Variants in MED12L observed in about 807,000 individuals in gnomAD.
The protein encoded by MED12L is mediator complex subunit 12L.
Under a neutral mutation model 281.3 loss-of-function variants are expected in MED12L, and 60 were observed. The observed-to-expected ratio is 0.21, with a 90% confidence interval of 0.17 to 0.26. MED12L has a LOEUF of 0.26. Ranked by LOEUF, MED12L falls within the 10% of genes least tolerant of loss-of-function variation. The probability of loss-of-function intolerance (pLI) is 1.00; values close to 1 mark genes in which losing one functional copy is unlikely to be tolerated. For synonymous variants in MED12L, 974 were observed against 987.2 expected (o/e 0.99, Z 0.25); for missense variants, 2,146 against 2,680.9 (o/e 0.80, Z 4.41).
At chr3:151,094,721 T>C (rs1720492040) in intron 2 of MED12L, among the ~76,000 whole-genome samples, 1 of 152,252 alleles carries the variant, frequency 6.6e-6, no homozygotes, top group Non-Finnish European at 1.5e-5. Context: ...CAACCAGTTA[T>C]CTCTGGGGGA....
Position 151,125,891 on chromosome 3 carries a change from A to G in MED12L, c.397-1934A>G, listed in dbSNP as rs78879923. ...AGAGGAAGCCTTCTAGCGTTGGCCT[A>G]TATGACTTTTATCTCCTGTTTAGTT... is the stretch of plus-strand genomic sequence containing the variant. On this transcript the variant is annotated intron_variant, in intron 4 of 44. Coordinates refer to ENST00000687756, the MANE Select transcript of MED12L (RefSeq NM_001393769.1). Among the ~76,000 whole-genome samples, 1,364 of 152,232 alleles carry G rather than the reference A, an allele frequency of 9.0e-3. 22 individuals are homozygous for G. The highest frequency in any genetic ancestry group is 0.031 in the African/African-American group (1,278 of 41,552).
Position 151,148,550 on chromosome 3 carries a change from A to G in MED12L, c.557-7611A>G, listed in dbSNP as rs535555065. On this transcript the variant is annotated intron_variant, in intron 5 of 44. Transcript: ENST00000687756. ...AGGCTGTTCACACTCAGAAGGGGGTATTATTGTAGTCATATAGCCTAAAGA... is the reference window on the plus strand; with the variant it reads ...AGGCTGTTCACACTCAGAAGGGGGTGTTATTGTAGTCATATAGCCTAAAGA... 5.1e-4 allele frequency among the ~76,000 whole-genome samples: 77 copies of G among 152,320 alleles called. 1 individual carries two copies. Among genetic ancestry groups the G allele is most frequent in the African/African-American group, 1.8e-3 (73 of 41,558 alleles).
intron 39 of MED12L, among the ~76,000 whole-genome samples, chr3:151,399,403 C>G (rs1462311758): frequency 6.6e-6 from 1 of 152,180 alleles, no homozygotes; most frequent in Admixed American, 6.5e-5. Flanking sequence ...AAATGGTTTA[C>G]TTGTATAATT....
At position 151,244,113 on chromosome 3, in the gene MED12L, A is replaced by G. The variant is rs916009505; in HGVS notation, c.2250+50447A>G. Among the ~76,000 whole-genome samples the G allele has an allele frequency of 6.6e-5, 8 of 120,384 alleles. 1 individual carries two copies. The highest frequency in any genetic ancestry group is 1.3e-4 in the Non-Finnish European group (7 of 52,812). The allele number at this position is 120,384 out of a possible 152,430, so 79.0% of individuals were successfully genotyped here. ...CCAATACAGGAGCACCAAGATTCATAAAGCAAGTCCTGAGTGACCTACAAA... is the reference window on the plus strand; with the variant it reads ...CCAATACAGGAGCACCAAGATTCATGAAGCAAGTCCTGAGTGACCTACAAA... On this transcript the variant is annotated intron_variant, in intron 16 of 44. Transcript: ENST00000687756.
chr3:151,341,776 G>A (rs1432537137), intron 16 of MED12L, among the ~76,000 whole-genome samples: 3 of 144,756 alleles, frequency 2.1e-5, no homozygotes, highest in Middle Eastern at 3.2e-3. Flanking sequence ...CCCTTCCTGT[G>A]TCCATGTGTT....
intron 44 of MED12L, 56 bp downstream of exon 44, chr3:151,430,436 C>G (rs1719353641): frequency 6.2e-7 from 1 of 1,606,030 alleles, no homozygotes; most frequent in South Asian, 1.1e-5. Context: ...AAAAATAAGC[C>G]AGCGAAACGT....
At chr3:151,310,960 C>G (rs1374349427) in intron 16 of MED12L, among the ~76,000 whole-genome samples, 1 of 152,138 alleles carries the variant, frequency 6.6e-6, no homozygotes, top group East Asian at 1.9e-4. Flanking sequence ...AGTTGTTTGG[C>G]TTTGCCACCC....
chr3:151,129,644 T>C (rs571229774), intron 5 of MED12L, among the ~76,000 whole-genome samples: 1 of 152,292 alleles, frequency 6.6e-6, no homozygotes, highest in African/African-American at 2.4e-5. Context: ...TCCTCTGTTA[T>C]CCTTTTTGAA....
At chr3:151,287,951 C>T (rs1743754478) in intron 16 of MED12L, among the ~76,000 whole-genome samples, 1 of 152,070 alleles carries the variant, frequency 6.6e-6, no homozygotes, top group Admixed American at 6.6e-5. Flanking sequence ...ATAGAAGCGG[C>T]CCAGAAAAAG....
intron 10 of MED12L, 136 bp downstream of exon 10, chr3:151,165,655 A>T: frequency 1.1e-6 from 1 of 922,760 alleles, no homozygotes. Context: ...GACAATCTTC[A>T]GTTTATGCCT....
At chr3:151,393,035 ATCT>A (rs1456378074) in intron 38 of MED12L, among the ~76,000 whole-genome samples, 3 of 152,210 alleles carry the variant, frequency 2.0e-5, no homozygotes, top group Non-Finnish European at 4.4e-5. Flanking sequence ...ACTTAGATTG[ATCT>A]TCTGTTTTTT....
chr3:151,382,505 T>G, intron 32 of MED12L, 151 bp from the exon 33 acceptor site: 2 of 490,688 alleles, frequency 4.1e-6, no homozygotes, highest in Non-Finnish European at 7.3e-6. Context: ...TCTTTCTGCA[T>G]GGAGGAAGAA....
intron 16 of MED12L, among the ~76,000 whole-genome samples, chr3:151,244,892 A>G (rs1735049453): frequency 6.6e-6 from 1 of 151,234 alleles, no homozygotes; most frequent in South Asian, 2.1e-4. Flanking sequence ...AAAGAAAAAA[A>G]GAGAGAAGAA....
At chr3:151,316,011 A>T (rs1017805482) in intron 16 of MED12L, among the ~76,000 whole-genome samples, 4 of 152,204 alleles carry the variant, frequency 2.6e-5, no homozygotes, top group African/African-American at 7.2e-5. Context: ...TGAATGTGGA[A>T]CAACAGTAAG....
intron 16 of MED12L, among the ~76,000 whole-genome samples, chr3:151,236,056 C>T (rs1461227245): frequency 6.6e-6 from 1 of 152,118 alleles, no homozygotes; most frequent in Non-Finnish European, 1.5e-5. Context: ...CTCCTCTCCC[C>T]CTATTCTTAC....
chr3:151,269,222 G>GT (rs1577186749), intron 16 of MED12L, among the ~76,000 whole-genome samples: 1 of 152,180 alleles, frequency 6.6e-6, no homozygotes, highest in East Asian at 1.9e-4. Flanking sequence ...CCAACATGCA[G>GT]AAACCCCATC....
intron 16 of MED12L, chr3:151,213,438 A>G (rs571558200): frequency 1.2e-6 from 2 of 1,614,212 alleles, no homozygotes; most frequent in African/African-American, 2.7e-5. Flanking sequence ...AGAAATAAAT[A>G]ATAGGGTCCA....
chr3:151,424,894 A>G (rs1718708310), intron 43 of MED12L, among the ~76,000 whole-genome samples: 1 of 152,218 alleles, frequency 6.6e-6, no homozygotes, highest in Non-Finnish European at 1.5e-5. Flanking sequence ...GTGCAGTTTT[A>G]AAATAAATGT....
intron 5 of MED12L, among the ~76,000 whole-genome samples, chr3:151,147,415 G>T (rs954841356): frequency 6.6e-6 from 1 of 152,006 alleles, no homozygotes; most frequent in African/African-American, 2.4e-5. Context: ...TAAAGTCTAC[G>T]GTCAGTGTTT....
Sources: allele counts gnomAD v4.1 joint callset (sites outside exome capture counted in the v4.1 genomes callset), GRCh38; gene constraint gnomAD v4.1.1; transcripts MANE v1.5; gene names NCBI Gene and HGNC (gene_info 2026-07-23, HGNC 2026-07-21).